Variants in DOCK9 observed in about 807,000 individuals in gnomAD.
DOCK9 encodes the protein dedicator of cytokinesis 9.
Under a neutral mutation model 263.3 loss-of-function variants are expected in DOCK9, and 89 were observed. The ratio of observed to expected loss-of-function variants is 0.34; its 90% confidence interval spans 0.28 to 0.40. DOCK9 has a LOEUF of 0.40. Among genes scored for constraint, DOCK9 ranks in the 10% least tolerant of loss-of-function variants. The pLI is 1.00. For missense variants in DOCK9, 2,140 were observed against 2,603.4 expected, an observed-to-expected ratio of 0.82 and a Z score of 3.87; for synonymous variants, 976 against 973.1, an observed-to-expected ratio of 1.00 and a Z score of -0.06.
At chr13:98,858,826 T>C (rs1191598881) in intron 33 of DOCK9, 2 of 152,204 alleles carry the variant, frequency 1.3e-5, no homozygotes, top group African/African-American at 4.8e-5. Flanking sequence ...CTCCAAGTTC[T>C]AAAGAAGTCC....
intron 1 of DOCK9, among the ~76,000 whole-genome samples, chr13:99,047,183 C>G (rs925425536): frequency 2.6e-5 from 4 of 152,170 alleles, no homozygotes; most frequent in Admixed American, 6.5e-5. Flanking sequence ...AATTGAAATA[C>G]ACGCCAGCTG....
chr13:98,939,274 G>A (rs8001655), intron 2 of DOCK9, among the ~76,000 whole-genome samples: 96,056 of 152,014 alleles, frequency 0.63, 31,096 homozygotes, highest in Middle Eastern at 0.78. Context: ...AAGATGGTCT[G>A]CTCTCTGAGG....
At chr13:98,842,215 T>G (rs1201536410) in intron 38 of DOCK9, among the ~76,000 whole-genome samples, 1 of 152,196 alleles carries the variant, frequency 6.6e-6, no homozygotes, top group East Asian at 1.9e-4. Context: ...CAACTCCTCA[T>G]GGCATGCTTA....
chr13:98,845,781 C>A, intron 38 of DOCK9, 143 bp downstream of exon 38: 1 of 1,105,510 alleles, frequency 9.0e-7, no homozygotes, highest in Admixed American at 2.4e-5. Context: ...AGGAAGGGAA[C>A]TGTGCCATGA....
At position 98,848,618 on chromosome 13, in the gene DOCK9, C is replaced by G. The variant is rs1198130610; in HGVS notation, c.4035G>C (p.Gln1345His). 4 of 1,612,570 alleles carry G rather than the reference C, an allele frequency of 2.5e-6. No individual in the cohort carries two copies. Among genetic ancestry groups the G allele is most frequent in the South Asian group, 1.1e-5 (1 of 90,352 alleles). ...TISEVCLHQF[Q>H]YMGKRYIARN... is the part of the protein sequence containing the mutation. ...TGGCTATGTATCGCTTCCCCATGTA[C>G]TGGAACTGGTGCAGGCAGACTCTGC... is the stretch of plus-strand genomic sequence containing the variant. The change falls in exon 37 of 53, where the codon CAG becomes CAC. Residue 1345 changes from glutamine (Q) to histidine (H), a missense_variant. Physicochemically the swap from Gln to His is conservative, Grantham distance 24. This residue lies in a region of DOCK9 where 1,521 missense variants were observed against 1,741.7 expected (regional missense o/e 0.87). Transcript: ENST00000682017.
chr13:98,921,951 T>C (rs754583365), intron 6 of DOCK9, 100 bp downstream of exon 6: 1 of 1,029,760 alleles, frequency 9.7e-7, no homozygotes, highest in Non-Finnish European at 1.4e-6. Flanking sequence ...GTCCCTTTTG[T>C]GGGGAAGAAC....
chr13:99,020,265 G>A (rs1885929473), intron 1 of DOCK9, among the ~76,000 whole-genome samples: 1 of 152,186 alleles, frequency 6.6e-6, no homozygotes, highest in Non-Finnish European at 1.5e-5. Flanking sequence ...GATTTACTGT[G>A]TAACCTAAAA....
chr13:98,934,194 T>G (rs1244045554), intron 2 of DOCK9, among the ~76,000 whole-genome samples: 1 of 152,142 alleles, frequency 6.6e-6, no homozygotes, highest in Non-Finnish European at 1.5e-5. Flanking sequence ...CATGAGCCAT[T>G]GCACCAGGCC....
At chr13:98,991,360 G>A (rs1342903677) in intron 1 of DOCK9, among the ~76,000 whole-genome samples, 4 of 152,062 alleles carry the variant, frequency 2.6e-5, no homozygotes, top group African/African-American at 4.8e-5. Context: ...GCGAGCCACC[G>A]CACTCGGCCG....
intron 1 of DOCK9, among the ~76,000 whole-genome samples, chr13:98,996,552 C>G (rs987044215): frequency 6.6e-6 from 1 of 152,222 alleles, no homozygotes; most frequent in Non-Finnish European, 1.5e-5. Context: ...AATTTCTGAC[C>G]TGGAGGGGAT....
At chr13:99,020,887 C>T (rs1402035181) in intron 1 of DOCK9, among the ~76,000 whole-genome samples, 1 of 152,202 alleles carries the variant, frequency 6.6e-6, no homozygotes, top group Non-Finnish European at 1.5e-5. Context: ...ATACATGATA[C>T]AGCACACTTC....
At position 98,804,883 on chromosome 13, in the gene DOCK9, G is replaced by T; in HGVS notation, c.5725+116C>A. The T allele has an allele frequency of 5.1e-6, 5 of 972,864 alleles. No homozygotes were observed. In the South Asian group the frequency reaches 7.8e-5, roughly 15 times the overall value. 60.3% of individuals were successfully genotyped at this position (972,864 alleles called of 1,614,324 possible). A position where few individuals can be genotyped will look rare whatever the true frequency, so the allele number is the denominator to read the frequency against. ...ATAAATGTGAAACTGAAATGGGTGT[G>T]GGGGTGGCTAACTGAGCTCGAAAGA... is the stretch of plus-strand genomic sequence containing the variant. On this transcript the variant is annotated intron_variant, in intron 49 of 52. Coordinates refer to ENST00000682017, the MANE Select transcript of DOCK9 (RefSeq NM_001366683.2).
chr13:98,881,911 C>A lies in DOCK9; in HGVS notation c.2656G>T (p.Val886Phe). 1 of 1,587,310 alleles carries A rather than the reference C, an allele frequency of 6.3e-7. No homozygotes were observed. The highest frequency in any genetic ancestry group is 1.8e-5 in the Admixed American group (1 of 56,048). Residue 886 changes from valine (V) to phenylalanine (F), a missense_variant, in exon 24 of 53, where the codon GTC becomes TTC. Around this residue, in one of 2 missense-constraint regions of DOCK9, gnomAD observed 1,521 missense variants for 1,741.7 expected, o/e 0.87. Coordinates refer to ENST00000682017, the MANE Select transcript of DOCK9 (RefSeq NM_001366683.2). Reference protein sequence around the residue: ...RVLTRATQEEVAVNVTRVIIH... With the variant: ...RVLTRATQEEFAVNVTRVIIH... ...CCTTACCGAGTCACGTTAACCGCGA[C>A]TTCTTCCTGTGTGGCTCTGGTGAGG...
chr13:98,968,014 A>G (rs1234231749), intron 1 of DOCK9, among the ~76,000 whole-genome samples: 3 of 152,148 alleles, frequency 2.0e-5, no homozygotes, highest in African/African-American at 7.2e-5. Context: ...CTCGCCCCCA[A>G]AATGACAGCT....
chr13:99,086,283 C>T (rs1415694017), exon 1 of DOCK9: 2 of 1,495,716 alleles, frequency 1.3e-6, no homozygotes, highest in South Asian at 1.2e-5. Flanking sequence ...CCGCCGTGCC[C>T]GGCTTACTCA....
chr13:98,981,781 T>C (rs1337541000), upstream of DOCK9, among the ~76,000 whole-genome samples: 1 of 152,186 alleles, frequency 6.6e-6, no homozygotes, highest in Non-Finnish European at 1.5e-5. Flanking sequence ...CCAAATGGGA[T>C]GTGGTTTCTC....
At chr13:98,958,692 T>A (rs571947439) in intron 1 of DOCK9, among the ~76,000 whole-genome samples, 1 of 152,242 alleles carries the variant, frequency 6.6e-6, no homozygotes, top group Non-Finnish European at 1.5e-5. Context: ...TACCCCCTAA[T>A]AGAGTTAATC....
chr13:98,912,437 A>G (rs2050207677), intron 9 of DOCK9, among the ~76,000 whole-genome samples: 1 of 152,226 alleles, frequency 6.6e-6, no homozygotes, highest in Non-Finnish European at 1.5e-5. Context: ...ATAAAAAACT[A>G]AATAGAAACA....
intron 1 of DOCK9, among the ~76,000 whole-genome samples, chr13:99,080,268 C>T (rs2042074813): frequency 1.3e-5 from 2 of 152,054 alleles, no homozygotes; most frequent in Admixed American, 6.6e-5. Flanking sequence ...CCTACACACA[C>T]ACAGGCCTGT....
Sources: gnomAD v4.1 joint callset for allele counts (sites outside exome capture counted in the v4.1 genomes callset) on GRCh38, gnomAD v4.1.1 for gene constraint, gnomAD v4.1.1 regional missense constraint, MANE v1.5 for transcripts, NCBI Gene and HGNC (gene_info 2026-07-23, HGNC 2026-07-21) for gene names.